PPA2: variants seen among roughly 807,000 people sequenced by gnomAD.
PPA2 encodes inorganic pyrophosphatase 2, mitochondrial.
PPA2 carries 48 observed loss-of-function variants against 49.5 expected under a neutral mutation model. The observed-to-expected ratio is 0.97, with a 90% confidence interval of 0.77 to 1.23. PPA2 has a LOEUF of 1.23. PPA2 is among the 50% of genes most tolerant of loss of function. PPA2 has a pLI of 0.00. For synonymous variants in PPA2, 131 were observed against 139.9 expected, an observed-to-expected ratio of 0.94 and a Z score of 0.45; for missense variants, 429 against 410.1, an observed-to-expected ratio of 1.05 and a Z score of -0.40.
chr4:105,425,762 A>C (rs536136126), intron 6 of PPA2, among the ~76,000 whole-genome samples: 180 of 140,046 alleles, frequency 1.3e-3, no homozygotes, highest in Middle Eastern at 6.9e-3. Flanking sequence ...ACACACACAC[A>C]CCCATCAGAA....
In PPA2 at chr4:105,453,586, CT is replaced by C; in HGVS notation, c.267+11del. 1 of 1,580,924 alleles carries C rather than the reference CT, an allele frequency of 6.3e-7. No individual in the cohort carries two copies. The highest frequency in any genetic ancestry group is 8.6e-7 in the Non-Finnish European group (1 of 1,161,264). On this transcript the variant is annotated intron_variant, in intron 3 of 11. Transcript: ENST00000341695. ...AAAAGTGATTCACAAAAATAAAAAC[CT>C]TTGGATATACCTCATATTCATCATT...
rs184278372 is a variant in PPA2 at position 105,473,801 on chromosome 4, G to A, written c.157+93C>T. On this transcript the variant is annotated intron_variant, in intron 1 of 11. Coordinates refer to ENST00000341695, the MANE Select transcript of PPA2 (RefSeq NM_176869.3). ...CTGAGGGCCCCAAAAAGAGAGAAGG[G>A]AGACCGCGCGGGGCGTCCCAAGTGT... 2,147 of 1,520,106 alleles carry A rather than the reference G, an allele frequency of 1.4e-3. 6 individuals carry two copies. Among genetic ancestry groups the A allele is most frequent in the Middle Eastern group, 7.3e-3 (42 of 5,736 alleles). The allele number at this position is 1,520,106 out of a possible 1,614,324, so 94.2% of individuals were successfully genotyped here.
chr4:105,369,889 A>T, intron 11 of PPA2, 136 bp from the exon 12 acceptor site: 1 of 788,048 alleles, frequency 1.3e-6, no homozygotes, highest in Middle Eastern at 2.5e-4. Flanking sequence ...CTAAAGTTGC[A>T]TTTCTCTATT....
chr4:105,412,401 A>C (rs1408903472), intron 7 of PPA2, among the ~76,000 whole-genome samples: 1 of 152,050 alleles, frequency 6.6e-6, no homozygotes, highest in African/African-American at 2.4e-5. Context: ...AAACCTAGGC[A>C]ATACCATTCA....
At chr4:105,426,960 C>A (rs770917220) in intron 6 of PPA2, among the ~76,000 whole-genome samples, 3 of 152,226 alleles carry the variant, frequency 2.0e-5, no homozygotes, top group Non-Finnish European at 4.4e-5. Flanking sequence ...TAGAGGCCGA[C>A]AGACACCTCA....
intron 9 of PPA2, among the ~76,000 whole-genome samples, chr4:105,388,816 C>A (rs938661466): frequency 1.2e-4 from 12 of 100,552 alleles, no homozygotes; most frequent in African/African-American, 4.2e-4. Context: ...CAGAGCAAGG[C>A]AACGTCTCCA....
chr4:105,419,510 A>C (rs1723159062), intron 7 of PPA2, among the ~76,000 whole-genome samples: 1 of 152,232 alleles, frequency 6.6e-6, no homozygotes. Flanking sequence ...AGACTTTTAC[A>C]GTGGCTACTC....
At chr4:105,404,404 A>G (rs1722361897) in intron 7 of PPA2, among the ~76,000 whole-genome samples, 1 of 152,142 alleles carries the variant, frequency 6.6e-6, no homozygotes, top group Non-Finnish European at 1.5e-5. Flanking sequence ...TAAATAAATA[A>G]CTTTCGGGTC....
At chr4:105,391,163 C>G (rs1033808773) in intron 9 of PPA2, among the ~76,000 whole-genome samples, 2 of 151,636 alleles carry the variant, frequency 1.3e-5, no homozygotes, top group African/African-American at 2.4e-5. Context: ...GGGAAGGGAA[C>G]AACACACACT....
At chr4:105,463,701 C>T (rs1275912708) in intron 1 of PPA2, among the ~76,000 whole-genome samples, 7 of 152,146 alleles carry the variant, frequency 4.6e-5, no homozygotes. Context: ...TGCCTTGCGT[C>T]CCAGGTGGTC....
chr4:105,448,406 A>G (rs1722506540), intron 4 of PPA2, among the ~76,000 whole-genome samples: 1 of 152,120 alleles, frequency 6.6e-6, no homozygotes, highest in South Asian at 2.1e-4. Flanking sequence ...TTGCTATCAC[A>G]CCCAAAGTTA....
chr4:105,416,862 C>A (rs2110259485), intron 7 of PPA2, among the ~76,000 whole-genome samples: 1 of 152,202 alleles, frequency 6.6e-6, no homozygotes, highest in Admixed American at 6.5e-5. Flanking sequence ...AAAACCTGTA[C>A]TAAAAATGTG....
chr4:105,416,588 T>G (rs1193228397), intron 7 of PPA2, among the ~76,000 whole-genome samples: 1 of 152,252 alleles, frequency 6.6e-6, no homozygotes, highest in Non-Finnish European at 1.5e-5. Context: ...ACATGTGTTT[T>G]TAATGACTTA....
At chr4:105,379,057 T>A (rs1733369921) in intron 10 of PPA2, among the ~76,000 whole-genome samples, 1 of 152,120 alleles carries the variant, frequency 6.6e-6, no homozygotes, top group African/African-American at 2.4e-5. Flanking sequence ...GACATTGGAC[T>A]GAATCTATAT....
At chr4:105,405,511 T>C (rs894885618) in intron 7 of PPA2, 1 of 923,080 alleles carries the variant, frequency 1.1e-6, no homozygotes, top group Middle Eastern at 5.5e-4. Context: ...AGAGGGAATA[T>C]ATAAATAGAA....
At chr4:105,420,594 A>G (rs1723208423) in intron 7 of PPA2, among the ~76,000 whole-genome samples, 1 of 152,246 alleles carries the variant, frequency 6.6e-6, no homozygotes, top group South Asian at 2.1e-4. Context: ...GCCAAGAAGT[A>G]TAGATGACAA....
chr4:105,425,790 T>A, intron 6 of PPA2, among the ~76,000 whole-genome samples: 2 of 138,640 alleles, frequency 1.4e-5, no homozygotes, highest in Non-Finnish European at 3.1e-5. Flanking sequence ...ACAAACAAAA[T>A]CCAAAGTGAA....
chr4:105,429,241 G>A (rs534982215), intron 6 of PPA2, among the ~76,000 whole-genome samples: 2 of 152,224 alleles, frequency 1.3e-5, no homozygotes, highest in East Asian at 3.9e-4. Context: ...TTATTACCAA[G>A]AAAATTTGCA....
At chr4:105,418,999 C>T (rs572775498) in intron 7 of PPA2, among the ~76,000 whole-genome samples, 1 of 152,306 alleles carries the variant, frequency 6.6e-6, no homozygotes, top group South Asian at 2.1e-4. Context: ...AGCTATTATT[C>T]ACACTGGCCA....
Sources: allele counts gnomAD v4.1 joint callset (sites outside exome capture counted in the v4.1 genomes callset), GRCh38; gene constraint gnomAD v4.1.1; transcripts MANE v1.5; gene names NCBI Gene and HGNC (gene_info 2026-07-23, HGNC 2026-07-21).